Variants in MCTP1 observed in about 807,000 individuals in gnomAD.
The protein encoded by MCTP1 is multiple C2 and transmembrane domain-containing protein 1.
Under a neutral mutation model 120.6 loss-of-function variants are expected in MCTP1, and 69 were observed. The ratio of observed to expected loss-of-function variants is 0.57; its 90% CI spans 0.47 to 0.70. MCTP1 has a LOEUF of 0.70. MCTP1 is among the 30% of genes least tolerant of loss of function. The pLI is 0.00. For synonymous variants in MCTP1, 529 were observed against 493.1 expected (o/e 1.07, Z -0.96); for missense variants, 1,203 against 1,248.8 (o/e 0.96, Z 0.55).
At chr5:94,916,964 T>C (rs745836043) in intron 8 of MCTP1, among the ~76,000 whole-genome samples, 1 of 152,250 alleles carries the variant, frequency 6.6e-6, no homozygotes, top group Non-Finnish European at 1.5e-5. Context: ...TTAACGTGAA[T>C]ATTATTTATG....
At chr5:94,936,607 T>A (rs75146465) in intron 5 of MCTP1, among the ~76,000 whole-genome samples, 2 of 152,194 alleles carry the variant, frequency 1.3e-5, no homozygotes, top group African/African-American at 4.8e-5. Flanking sequence ...AGATGATCAA[T>A]AAGTATTTTG....
At chr5:95,187,561 G>A (rs981800636) in intron 1 of MCTP1, among the ~76,000 whole-genome samples, 13 of 151,986 alleles carry the variant, frequency 8.6e-5, no homozygotes, top group East Asian at 1.9e-4. Flanking sequence ...CACCACGCCC[G>A]GCTAATTGTT....
intron 1 of MCTP1, among the ~76,000 whole-genome samples, chr5:95,182,608 C>T (rs932551945): frequency 3.9e-5 from 6 of 152,108 alleles, no homozygotes; most frequent in Middle Eastern, 3.4e-3. Context: ...TTGATTTTTA[C>T]AATCATTTTG....
intron 17 of MCTP1, among the ~76,000 whole-genome samples, chr5:94,818,138 A>G (rs1476869340): frequency 6.6e-6 from 1 of 152,210 alleles, no homozygotes; most frequent in African/African-American, 2.4e-5. Context: ...ACTTACGGGA[A>G]ATCCTGTCTA....
chr5:94,870,568 C>T, intron 15 of MCTP1, 77 bp from the exon 16 acceptor site: 1 of 1,099,340 alleles, frequency 9.1e-7, no homozygotes, highest in South Asian at 1.3e-5. Flanking sequence ...GTTCAATTTG[C>T]AATAATTTCT....
chr5:94,714,941 G>A, intron 19 of MCTP1, 55 bp from the exon 20 acceptor site: 2 of 1,016,158 alleles, frequency 2.0e-6, no homozygotes, highest in Non-Finnish European at 3.1e-6. Flanking sequence ...TTCATTGCTT[G>A]AATTCTTTGT....
chr5:95,236,522 AGCCATAT>A (rs1562265020), intron 1 of MCTP1, among the ~76,000 whole-genome samples: 3 of 152,182 alleles, frequency 2.0e-5, no homozygotes, highest in African/African-American at 4.8e-5. Context: ...ACTGTCTAGT[AGCCATAT>A]GCTTATCCCC....
Position 94,870,918 on chromosome 5 carries a change from G to A in MCTP1, c.2195C>T (p.Pro732Leu). 1 of 1,613,096 alleles carries A rather than the reference G, an allele frequency of 6.2e-7. No homozygotes were observed. Among genetic ancestry groups the A allele is most frequent in the Non-Finnish European group, 8.5e-7 (1 of 1,179,420 alleles). The change falls in exon 15 of 23, where the codon CCA (proline) becomes CTA (leucine). Residue 732 changes from proline to leucine, a missense_variant. Physicochemically the swap from Pro to Leu is moderately conservative, Grantham distance 98. This residue lies in a region of MCTP1 where 740 missense variants were observed against 871.1 expected (regional missense o/e 0.85). Coordinates refer to ENST00000515393, the MANE Select transcript of MCTP1 (RefSeq NM_024717.7). Reference sequence around the variant, plus strand: ...TTCAAGATAGATGACCCCCTTTGTTGGCCCTGTCAGCTGCTTGTTTTTCAA... The same window carrying A: ...TTCAAGATAGATGACCCCCTTTGTTAGCCCTGTCAGCTGCTTGTTTTTCAA... ...YVLKNKQLTG[P>L]TKGVIYLEID...
chr5:94,852,968 T>C (rs1264569177), intron 17 of MCTP1, among the ~76,000 whole-genome samples: 2 of 152,000 alleles, frequency 1.3e-5, no homozygotes, highest in East Asian at 3.9e-4. Flanking sequence ...AAAGAACAGA[T>C]AACAAATATA....
chr5:95,035,792 G>A (rs1267170472), intron 1 of MCTP1, among the ~76,000 whole-genome samples: 1 of 152,036 alleles, frequency 6.6e-6, no homozygotes, highest in Non-Finnish European at 1.5e-5. Context: ...AAAGAGTTGA[G>A]TGATTTACAA....
chr5:94,773,116 C>T (rs1191191506), intron 19 of MCTP1, among the ~76,000 whole-genome samples: 1 of 152,088 alleles, frequency 6.6e-6, no homozygotes, highest in Non-Finnish European at 1.5e-5. Flanking sequence ...GAAATGGATC[C>T]TTCCCTGATT....
chr5:95,267,434 G>A (rs1394853527), intron 1 of MCTP1, among the ~76,000 whole-genome samples: 1 of 152,174 alleles, frequency 6.6e-6, no homozygotes, highest in Admixed American at 6.5e-5. Context: ...TGAGACATCA[G>A]ATTGCATTTC....
chr5:95,255,801 G>T (rs1757824558), intron 1 of MCTP1, among the ~76,000 whole-genome samples: 2 of 152,106 alleles, frequency 1.3e-5, no homozygotes. Flanking sequence ...GCATCTAACT[G>T]CATCCTGCCT....
At chr5:94,973,350 T>C (rs1581646486) in intron 2 of MCTP1, among the ~76,000 whole-genome samples, 3 of 152,192 alleles carry the variant, frequency 2.0e-5, no homozygotes, top group Admixed American at 1.3e-4. Flanking sequence ...ATAATCTATC[T>C]CCTGGTTCCC....
rs185028581 is a variant in MCTP1 at position 95,248,256 on chromosome 5, T to A, written c.720+35600A>T. ...TTGTCTCTGTTTGCAGATGACATAATCATATATTTAGAAAACCCCATCGTC... is the reference window on the plus strand; with the variant it reads ...TTGTCTCTGTTTGCAGATGACATAAACATATATTTAGAAAACCCCATCGTC... On this transcript the variant is annotated intron_variant, in intron 1 of 22. Coordinates refer to ENST00000515393, the MANE Select transcript of MCTP1 (RefSeq NM_024717.7). Among the ~76,000 whole-genome samples, 3 of 152,304 alleles carry A rather than the reference T, an allele frequency of 2.0e-5. 1 individual carries two copies. Among genetic ancestry groups the A allele is most frequent in the Admixed American group, 2.0e-4 (3 of 15,294 alleles).
intron 1 of MCTP1, among the ~76,000 whole-genome samples, chr5:95,135,895 T>C (rs17426032): frequency 0.059 from 8,991 of 152,360 alleles, 363 homozygotes; most frequent in Non-Finnish European, 0.09. Context: ...AACTGGTTTA[T>C]TGTTCCAAAT....
rs187714296 is a variant in MCTP1 at position 95,170,260 on chromosome 5, A to C, written c.720+113596T>G. Among the ~76,000 whole-genome samples the C allele has an allele frequency of 5.1e-3, 774 of 152,278 alleles. 20 individuals are homozygous for C. The highest frequency in any genetic ancestry group is 2.0e-3 in the Non-Finnish European group (138 of 68,028). On this transcript the variant is annotated intron_variant, in intron 1 of 22. Transcript: ENST00000515393. ...TCATCCAGAGTTCTAGTTTGATTGC[A>C]CTGTGGTCTGAGAGACAGTTTGTTA...
chr5:94,766,677 A>T (rs1290576595), intron 19 of MCTP1, among the ~76,000 whole-genome samples: 4 of 152,092 alleles, frequency 2.6e-5, no homozygotes, highest in African/African-American at 9.7e-5. Flanking sequence ...ATAGTTAAAA[A>T]AAAAAAAGGC....
At chr5:94,840,817 G>A (rs1433449198) in intron 17 of MCTP1, among the ~76,000 whole-genome samples, 3 of 152,138 alleles carry the variant, frequency 2.0e-5, no homozygotes, top group Non-Finnish European at 2.9e-5. Context: ...CTATAAAGGT[G>A]GTGTTGCTAT....
Sources: gnomAD v4.1 joint callset for allele counts (sites outside exome capture counted in the v4.1 genomes callset) on GRCh38, gnomAD v4.1.1 for gene constraint, gnomAD v4.1.1 regional missense constraint, MANE v1.5 for transcripts, NCBI Gene and HGNC (gene_info 2026-07-23, HGNC 2026-07-21) for gene names.